CTTNBP2: variants seen among roughly 807,000 people sequenced by gnomAD.
CTTNBP2 encodes cortactin-binding protein 2.
A neutral mutation model predicts 156.9 loss-of-function variants in CTTNBP2; 108 were observed. That is an observed-to-expected ratio of 0.69 (90% CI 0.59 to 0.81). CTTNBP2 has a LOEUF of 0.81. Ranked by LOEUF, CTTNBP2 falls within the 30% of genes least tolerant of loss-of-function variation. CTTNBP2 has a pLI of 0.00. For missense variants in CTTNBP2, 1,924 were observed against 2,035.4 expected (o/e 0.95, Z 1.05); for synonymous variants, 767 against 751.8 (o/e 1.02, Z -0.33).
chr7:117,808,640 G>A (rs150470335), intron 3 of CTTNBP2, among the ~76,000 whole-genome samples: 116 of 152,314 alleles, frequency 7.6e-4, no homozygotes, highest in Middle Eastern at 3.4e-3. Context: ...CATAGCTAAT[G>A]GAGCCTTTGC....
Position 117,717,906 on chromosome 7 carries a change from TCTTAG to T in CTTNBP2, c.4746+107_4746+111del, listed in dbSNP as rs1425491004. The T allele has an allele frequency of 1.6e-5, 11 of 690,378 alleles. No individual in the cohort carries two copies. In the East Asian group the frequency reaches 2.9e-4, roughly 18 times the overall value. The allele number at this position is 690,378 out of a possible 1,614,324, so 42.8% of individuals were successfully genotyped here. A position where few individuals can be genotyped will look rare whatever the true frequency, so the allele number is the denominator to read the frequency against. On this transcript the variant is annotated intron_variant, in intron 22 of 22. Transcript: ENST00000160373. ...TTTTACCTTTATCCTATTTCTCAGT[TCTTAG>T]CTTTGGTTTAAAAAAATAACTCTGT... is the stretch of plus-strand genomic sequence containing the variant.
At chr7:117,715,433 TTGTCCAGGCTTCCCCTCAGACTAG>T (rs1426137405) in intron 22 of CTTNBP2, among the ~76,000 whole-genome samples, 1 of 144,788 alleles carries the variant, frequency 6.9e-6, no homozygotes, top group African/African-American at 2.7e-5. Context: ...AAAAAACCCA[TTGTCCAGGCTTCCCCTCAGACTAG>T]AGTCCAGGCC....
chr7:117,834,901 A>G (rs897303013), intron 2 of CTTNBP2, among the ~76,000 whole-genome samples: 1 of 152,246 alleles, frequency 6.6e-6, no homozygotes, highest in Non-Finnish European at 1.5e-5. Context: ...TCAAAACAAA[A>G]TAATTCTGGC....
intron 12 of CTTNBP2, among the ~76,000 whole-genome samples, chr7:117,754,197 C>T (rs921479844): frequency 6.6e-6 from 1 of 152,180 alleles, no homozygotes; most frequent in East Asian, 1.9e-4. Context: ...CTCCACAAGG[C>T]GACTCTCTTC....
intron 2 of CTTNBP2, among the ~76,000 whole-genome samples, chr7:117,833,221 C>T (rs1428735982): frequency 6.6e-6 from 1 of 152,186 alleles, no homozygotes; most frequent in Non-Finnish European, 1.5e-5. Flanking sequence ...TTTCCCCTGC[C>T]TCATTCGTTC....
intron 3 of CTTNBP2, among the ~76,000 whole-genome samples, chr7:117,805,013 C>G (rs553342088): frequency 6.6e-6 from 1 of 152,266 alleles, no homozygotes; most frequent in African/African-American, 2.4e-5. Context: ...TTGATTGTTT[C>G]AATCTTTATT....
intron 8 of CTTNBP2, among the ~76,000 whole-genome samples, chr7:117,776,757 G>C (rs1436204519): frequency 2.0e-5 from 3 of 152,024 alleles, no homozygotes; most frequent in Non-Finnish European, 4.4e-5. Context: ...TTTCTGTACT[G>C]GTCCAACTGC....
chr7:117,745,167 T>A (rs553971402), intron 14 of CTTNBP2, among the ~76,000 whole-genome samples: 1 of 152,350 alleles, frequency 6.6e-6, no homozygotes, highest in African/African-American at 2.4e-5. Flanking sequence ...GAAAACTCAT[T>A]AATAACATTA....
At chr7:117,768,091 G>GCACACACA (rs34630353) in intron 8 of CTTNBP2, among the ~76,000 whole-genome samples, 1 of 148,356 alleles carries the variant, frequency 6.7e-6, no homozygotes, top group Non-Finnish European at 1.5e-5. Context: ...TCCTGTAAAT[G>GCACACACA]CACACACACA....
intron 2 of CTTNBP2, among the ~76,000 whole-genome samples, chr7:117,834,169 C>G (rs1167934822): frequency 6.6e-6 from 1 of 151,856 alleles, no homozygotes; most frequent in African/African-American, 2.4e-5. Context: ...ATTCTCCTGT[C>G]TCAGTCTCCA....
rs879296143 is a variant in CTTNBP2 at position 117,814,842 on chromosome 7, C to T, written c.190-3853G>A. On this transcript the variant is annotated intron_variant, in intron 2 of 22. Transcript: ENST00000160373. ...AAAAACAGTGGCTTTGTATTTGTTG[C>T]TAACTAGCTATGCAACTGTGTTGCT... Among the ~76,000 whole-genome samples, 42 of 152,206 alleles carry T rather than the reference C, an allele frequency of 2.8e-4. 1 individual carries two copies. Among genetic ancestry groups the T allele is most frequent in the Admixed American group, 2.7e-3 (41 of 15,286 alleles).
chr7:117,784,458 T>A lies in CTTNBP2; in HGVS notation c.2069-4A>T. The stretch of plus-strand genomic sequence containing the variant: ...GGGGTTAGGGAGGGTGACCAGCCTG[T>A]AGGTTAAAGTGACCCTCGTTAGAGA... On this transcript the variant is annotated splice_region_variant and splice_polypyrimidine_tract_variant and intron_variant, in intron 4 of 22. Coordinates refer to ENST00000160373, the MANE Select transcript of CTTNBP2 (RefSeq NM_033427.3). The A allele has an allele frequency of 1.3e-6, 2 of 1,570,254 alleles. No individual in the cohort carries two copies. Among genetic ancestry groups the A allele is most frequent in the Non-Finnish European group, 1.7e-6 (2 of 1,163,774 alleles).
At chr7:117,763,263 A>G (rs538940223) in intron 9 of CTTNBP2, among the ~76,000 whole-genome samples, 1 of 152,360 alleles carries the variant, frequency 6.6e-6, no homozygotes, top group African/African-American at 2.4e-5. Context: ...CTCAATAAGC[A>G]TATGTTCAAT....
rs34454724 is a variant in CTTNBP2 at position 117,841,338 on chromosome 7, A to G, written c.189+19871T>C. ...ACTATTATTAAGAAAATTGTTTTGA[A>G]CTCATGGACTACTTGGTAGGGTCTT... On this transcript the variant is annotated intron_variant, in intron 2 of 22. Coordinates refer to ENST00000160373, the MANE Select transcript of CTTNBP2 (RefSeq NM_033427.3). Among the ~76,000 whole-genome samples, 65 of 152,202 alleles carry G rather than the reference A, an allele frequency of 4.3e-4. No homozygotes were observed. In the East Asian group the frequency reaches 0.012, roughly 29 times the overall value.
intron 2 of CTTNBP2, among the ~76,000 whole-genome samples, chr7:117,841,722 T>C (rs963761768): frequency 1.3e-5 from 2 of 152,226 alleles, no homozygotes; most frequent in Admixed American, 6.5e-5. Context: ...TAAATAGGCA[T>C]GATGAATGCA....
chr7:117,777,780 A>G lies in CTTNBP2; in HGVS notation c.2524-15T>C, dbSNP rs747902802. 6.3e-7 allele frequency: 1 copy of G among 1,599,598 alleles called. No homozygotes were observed. The highest frequency in any genetic ancestry group is 8.5e-7 in the Non-Finnish European group (1 of 1,169,812). On this transcript the variant is annotated splice_polypyrimidine_tract_variant and intron_variant, in intron 7 of 22. Transcript: ENST00000160373. Reference sequence around the variant, plus strand: ...GTCCAGCCATCCTGAAAATAAAATGACCAGGGGGAAAGGGTTGATAACAAC... The same window carrying G: ...GTCCAGCCATCCTGAAAATAAAATGGCCAGGGGGAAAGGGTTGATAACAAC...
intron 2 of CTTNBP2, among the ~76,000 whole-genome samples, chr7:117,844,960 G>A (rs771541695): frequency 3.3e-5 from 5 of 152,310 alleles, no homozygotes; most frequent in Admixed American, 1.3e-4. Flanking sequence ...GAATCTAGGA[G>A]AACAGGTGAG....
At chr7:117,732,910 C>T (rs1163133219) in intron 16 of CTTNBP2, among the ~76,000 whole-genome samples, 1 of 152,094 alleles carries the variant, frequency 6.6e-6, no homozygotes, top group Non-Finnish European at 1.5e-5. Flanking sequence ...TTTTCCTTCT[C>T]TTCAAAAGAG....
chr7:117,718,234 G>A (rs1464105735), intron 21 of CTTNBP2, 115 bp from the exon 22 acceptor site: 4 of 643,200 alleles, frequency 6.2e-6, no homozygotes, highest in Non-Finnish European at 5.5e-6. Flanking sequence ...CCTCTTCCCT[G>A]CCCCTCAAGT....
Sources: gnomAD v4.1 joint callset for allele counts (sites outside exome capture counted in the v4.1 genomes callset) on GRCh38, gnomAD v4.1.1 for gene constraint, MANE v1.5 for transcripts, NCBI Gene and HGNC (gene_info 2026-07-23, HGNC 2026-07-21) for gene names.